The following DCPS variants were observed in gnomAD, a reference collection of about 807,000 sequenced individuals.
DCPS encodes decapping enzyme, scavenger, also known as m7GpppX diphosphatase.
In DCPS, 27 loss-of-function variants were observed where a neutral mutation model predicts 34.7. The ratio of observed to expected loss-of-function variants is 0.78; its 90% CI spans 0.57 to 1.07. The LOEUF is 1.07. DCPS is among the 50% of genes least tolerant of loss of function. The pLI, the probability that DCPS is intolerant of heterozygous loss-of-function variation, is 0.00. For missense variants in DCPS, 464 were observed against 436.9 expected (o/e 1.06, Z -0.55); for synonymous variants, 185 against 185.7 (o/e 1.00, Z 0.03).
At chr11:126,339,456 G>C (rs1478510984) in intron 4 of DCPS, among the ~76,000 whole-genome samples, 1 of 152,224 alleles carries the variant, frequency 6.6e-6, no homozygotes, top group Non-Finnish European at 1.5e-5. Flanking sequence ...GTTTTGACGT[G>C]GGGTAAAGGG....
Position 126,345,334 on chromosome 11 carries a change from C to G in DCPS, c.748-13C>G. On this transcript the variant is annotated splice_polypyrimidine_tract_variant and intron_variant, in intron 5 of 5. Transcript: ENST00000263579. This position sits in a 1 kb window ranked among gnomAD's most constrained non-coding sequence, Gnocchi z 7.4. ...CACGGTGACTCCTGACCTGCCTGCC[C>G]CTGTCTCATCAGGAGGCCATCCTGC... The G allele has an allele frequency of 1.9e-6, 3 of 1,613,354 alleles. No individual in the cohort carries two copies. The highest frequency in any genetic ancestry group is 2.5e-6 in the Non-Finnish European group (3 of 1,179,872).
rs1951833065 is a variant in DCPS, at chr11:126,336,443, G to A, written c.523-1843G>A. Reference sequence around the variant, plus strand: ...TGAAAACCTTCACCACCCTTATGTAGATATCATCAGCCCCATTTTACAAAG... The same window carrying A: ...TGAAAACCTTCACCACCCTTATGTAAATATCATCAGCCCCATTTTACAAAG... On this transcript the variant is annotated intron_variant, in intron 3 of 5. Transcript: ENST00000263579. The surrounding 1 kb of genome is among the most constrained non-coding windows in gnomAD (Gnocchi z 6.3). The A allele has an allele frequency of 6.6e-6, 1 of 152,248 alleles. No individual in the cohort carries two copies. Among genetic ancestry groups the A allele is most frequent in the Non-Finnish European group, 1.5e-5 (1 of 68,092 alleles). 9.4% of individuals were successfully genotyped at this position (152,248 alleles called of 1,614,324 possible).
chr11:126,323,660 A>G lies in DCPS; in HGVS notation c.377-7745A>G, dbSNP rs1406682033. 6.6e-6 allele frequency among the ~76,000 whole-genome samples: 1 copy of G among 151,832 alleles called. No individual in the cohort carries two copies. Among genetic ancestry groups the G allele is most frequent in the Non-Finnish European group, 1.5e-5 (1 of 67,994 alleles). On this transcript the variant is annotated intron_variant, in intron 2 of 5. Transcript: ENST00000263579. This position sits in a 1 kb window ranked among gnomAD's most constrained non-coding sequence, Gnocchi z 4.4. ...AAGCGATCCTCCCACCACCTCAGCC[A>G]CCAGAGTAGCTGGGACTACAGGCAT...
intron 5 of DCPS, 114 bp downstream of exon 5, chr11:126,343,531 T>C: frequency 1.1e-6 from 1 of 901,452 alleles, no homozygotes; most frequent in East Asian, 2.6e-5. Flanking sequence ...GAGACTTCTC[T>C]CTGGATGCCA....
At position 126,332,501 on chromosome 11, in the gene DCPS, G is replaced by A. The variant is rs2135328163; in HGVS notation, c.522+951G>A. Among the ~76,000 whole-genome samples, 1 of 152,314 alleles carries A rather than the reference G, an allele frequency of 6.6e-6. No individual in the cohort carries two copies. The highest frequency in any genetic ancestry group is 2.4e-5 in the African/African-American group (1 of 41,560). On this transcript the variant is annotated intron_variant, in intron 3 of 5. Transcript: ENST00000263579. The surrounding 1 kb of genome is among the most constrained non-coding windows in gnomAD (Gnocchi z 5.4). ...TCTCACTTTTCTCCCCAAGATTCAG[G>A]TCACTGTGGTGGAGGGTGTTGTGAT... is the stretch of plus-strand genomic sequence containing the variant.
rs1951693532 is a variant in DCPS, at chr11:126,320,125, G to A, written c.377-11280G>A. ...TGGTCTCAAACTCCTGACCTCAAGT[G>A]ATCCACCTGCCTCAGCCTCTCAAAG... On this transcript the variant is annotated intron_variant, in intron 2 of 5. Coordinates refer to ENST00000263579, the MANE Select transcript of DCPS (RefSeq NM_014026.6). The surrounding 1 kb of genome is among the most constrained non-coding windows in gnomAD (Gnocchi z 4.7). 6.6e-6 allele frequency among the ~76,000 whole-genome samples: 1 copy of A among 151,392 alleles called. No individual in the cohort carries two copies. The highest frequency in any genetic ancestry group is 1.5e-5 in the Non-Finnish European group (1 of 67,930).
In DCPS at chr11:126,338,251, G is replaced by A. The variant is rs1293423488; in HGVS notation, c.523-35G>A. 4 of 1,600,192 alleles carry A rather than the reference G, an allele frequency of 2.5e-6. No individual in the cohort carries two copies. Among genetic ancestry groups the A allele is most frequent in the Non-Finnish European group, 3.4e-6 (4 of 1,167,566 alleles). ...GGGTATCTCTCAAGGGGTGATGAGT[G>A]GATTTGTGAACCATCTCTCTCCCCC... On this transcript the variant is annotated intron_variant, in intron 3 of 5. Transcript: ENST00000263579. The surrounding 1 kb of genome is among the most constrained non-coding windows in gnomAD (Gnocchi z 5.4).
At chr11:126,304,987 A>G (rs1951551674) in intron 1 of DCPS, among the ~76,000 whole-genome samples, 1 of 152,240 alleles carries the variant, frequency 6.6e-6, no homozygotes. Flanking sequence ...GAGGAGGCCT[A>G]GCCAGGGCAG....
chr11:126,338,134 G>A lies in DCPS; in HGVS notation c.523-152G>A, dbSNP rs765275000. On this transcript the variant is annotated intron_variant, in intron 3 of 5. Coordinates refer to ENST00000263579, the MANE Select transcript of DCPS (RefSeq NM_014026.6). This position sits in a 1 kb window ranked among gnomAD's most constrained non-coding sequence, Gnocchi z 5.4. ...CTAAGAACAGATGCTTGGGGACAGG[G>A]CAGCCCGGATGTAGATCCTCTGAGC... 55 of 677,720 alleles carry A rather than the reference G, an allele frequency of 8.1e-5. No homozygotes were observed. Among genetic ancestry groups the A allele is most frequent in the Non-Finnish European group, 1.4e-4 (55 of 381,624 alleles). The allele number at this position is 677,720 out of a possible 1,614,324, so 42.0% of individuals were successfully genotyped here. A position where few individuals can be genotyped will look rare whatever the true frequency, so the allele number is the denominator to read the frequency against.
rs1951846456 is a variant in DCPS, at chr11:126,338,069, T to C, written c.523-217T>C. ...ACCCTTGTGATGACGCATGGCTGAG[T>C]GCCAGCTGGAGTGGGAAGGGGGAAG... is the stretch of plus-strand genomic sequence containing the variant. On this transcript the variant is annotated intron_variant, in intron 3 of 5. Transcript: ENST00000263579. This position sits in a 1 kb window ranked among gnomAD's most constrained non-coding sequence, Gnocchi z 5.4. 1.8e-6 allele frequency: 1 copy of C among 565,802 alleles called. No homozygotes were observed. Among genetic ancestry groups the C allele is most frequent in the Admixed American group, 3.1e-5 (1 of 32,604 alleles). The allele number at this position is 565,802 out of a possible 1,614,324, so 35.0% of individuals were successfully genotyped here.
At chr11:126,307,173 A>C (rs1186378888) in intron 2 of DCPS, among the ~76,000 whole-genome samples, 1 of 151,828 alleles carries the variant, frequency 6.6e-6, no homozygotes, top group Non-Finnish European at 1.5e-5. Context: ...TCTCTACTAA[A>C]AATACAAAAT....
Position 126,344,368 on chromosome 11 carries a change from T to C in DCPS, c.747+951T>C, listed in dbSNP as rs751169439. Among the ~76,000 whole-genome samples, 19 of 152,158 alleles carry C rather than the reference T, an allele frequency of 1.2e-4. No individual in the cohort carries two copies. The highest frequency in any genetic ancestry group is 2.2e-4 in the Non-Finnish European group (15 of 68,014). ...CAGATCCTGAAGCAGTCTCTGGATA[T>C]TACAAATGGCAAAGAATGGTGTCTT... On this transcript the variant is annotated intron_variant, in intron 5 of 5. Transcript: ENST00000263579. This position sits in a 1 kb window ranked among gnomAD's most constrained non-coding sequence, Gnocchi z 8.1.
Position 126,338,160 on chromosome 11 carries a change from G to A in DCPS, c.523-126G>A, listed in dbSNP as rs551995695. On this transcript the variant is annotated intron_variant, in intron 3 of 5. Coordinates refer to ENST00000263579, the MANE Select transcript of DCPS (RefSeq NM_014026.6). This position sits in a 1 kb window ranked among gnomAD's most constrained non-coding sequence, Gnocchi z 5.4. ...CAGCCCGGATGTAGATCCTCTGAGC[G>A]TGGCGGCCTTTTATGGCTTGGTTCT... The A allele has an allele frequency of 2.2e-4, 174 of 789,302 alleles. 2 individuals carry two copies. Among genetic ancestry groups the A allele is most frequent in the African/African-American group, 8.7e-4 (51 of 58,644 alleles). The allele number at this position is 789,302 out of a possible 1,614,324, so 48.9% of individuals were successfully genotyped here.
At chr11:126,326,239 C>A (rs1351169525) in intron 2 of DCPS, among the ~76,000 whole-genome samples, 1 of 152,228 alleles carries the variant, frequency 6.6e-6, no homozygotes, top group Non-Finnish European at 1.5e-5. Flanking sequence ...TATCACTCAT[C>A]CTGAGCAGGC....
In DCPS at chr11:126,315,008, C is replaced by T. The variant is rs142844973; in HGVS notation, c.376+8264C>T. 1.2e-3 allele frequency among the ~76,000 whole-genome samples: 181 copies of T among 152,166 alleles called. 1 individual carries two copies. Among genetic ancestry groups the T allele is most frequent in the African/African-American group, 4.0e-3 (167 of 41,456 alleles). On this transcript the variant is annotated intron_variant, in intron 2 of 5. Transcript: ENST00000263579. The surrounding 1 kb of genome is among the most constrained non-coding windows in gnomAD (Gnocchi z 6.1). ...AAAATAAAAAAATTTAAAAAAATTG[C>T]TCTACCGTAAAGACACATGCACACA...
intron 2 of DCPS, among the ~76,000 whole-genome samples, chr11:126,307,901 C>T (rs940148792): frequency 6.6e-6 from 1 of 152,110 alleles, no homozygotes; most frequent in Admixed American, 6.5e-5. Context: ...CAGTAGGTGG[C>T]GGGAAAGCTA....
rs919942870 is a variant in DCPS at position 126,313,698 on chromosome 11, C to T, written c.376+6954C>T. On this transcript the variant is annotated intron_variant, in intron 2 of 5. Coordinates refer to ENST00000263579, the MANE Select transcript of DCPS (RefSeq NM_014026.6). This position sits in a 1 kb window ranked among gnomAD's most constrained non-coding sequence, Gnocchi z 4.9. ...GGACAAAAAGGAAATGATTAACCCC[C>T]AAATCAGGGAGGTGATTATCCTTGG... Among the ~76,000 whole-genome samples, 2 of 152,102 alleles carry T rather than the reference C, an allele frequency of 1.3e-5. No homozygotes were observed. Among genetic ancestry groups the T allele is most frequent in the African/African-American group, 2.4e-5 (1 of 41,420 alleles).
In DCPS at chr11:126,323,809, A is replaced by G. The variant is rs1951723045; in HGVS notation, c.377-7596A>G. 6.6e-6 allele frequency among the ~76,000 whole-genome samples: 1 copy of G among 152,092 alleles called. No homozygotes were observed. Among genetic ancestry groups the G allele is most frequent in the Admixed American group, 6.6e-5 (1 of 15,264 alleles). ...AGTGCTAGGATTATAGGCATGAGCCACCAAACCTGACCCTAAAGTTGTTTT... is the reference window on the plus strand; with the variant it reads ...AGTGCTAGGATTATAGGCATGAGCCGCCAAACCTGACCCTAAAGTTGTTTT... On this transcript the variant is annotated intron_variant, in intron 2 of 5. Coordinates refer to ENST00000263579, the MANE Select transcript of DCPS (RefSeq NM_014026.6). The surrounding 1 kb of genome is among the most constrained non-coding windows in gnomAD (Gnocchi z 4.4).
chr11:126,348,621 A>C lies in DCPS; in HGVS notation c.*3008A>C, dbSNP rs1182161185. On this transcript the variant is annotated 3_prime_UTR_variant, in exon 6 of 6. Transcript: ENST00000263579. The surrounding 1 kb of genome is among the most constrained non-coding windows in gnomAD (Gnocchi z 5.3). ...TCCAAAAGCATAGTCTGTCTTTATT[A>C]GGGTGACCTTCATATCAGACTCCCA... Among the ~76,000 whole-genome samples the C allele has an allele frequency of 6.6e-6, 1 of 152,220 alleles. No homozygotes were observed. The highest frequency in any genetic ancestry group is 6.5e-5 in the Admixed American group (1 of 15,288).
Sources: allele counts gnomAD v4.1 joint callset (sites outside exome capture counted in the v4.1 genomes callset), GRCh38; gene constraint gnomAD v4.1.1; non-coding constraint Gnocchi (gnomAD v3.1); transcripts MANE v1.5; gene names NCBI Gene and HGNC (gene_info 2026-07-23, HGNC 2026-07-21).